The following SDK1 variants were observed in gnomAD, a reference collection of about 807,000 sequenced individuals.
SDK1 encodes protein sidekick-1.
Under a neutral mutation model 245.5 loss-of-function variants are expected in SDK1, and 157 were observed. The ratio of observed to expected loss-of-function variants is 0.64; its 90% confidence interval spans 0.56 to 0.73. The LOEUF is 0.73. Among genes scored for constraint, SDK1 ranks in the 30% least tolerant of loss-of-function variants. The pLI is 0.00. For synonymous variants in SDK1, 1,647 were observed against 1,278.5 expected, an observed-to-expected ratio of 1.29 and a Z score of -6.15; for missense variants, 3,583 against 3,002.3, an observed-to-expected ratio of 1.19 and a Z score of -4.52.
At chr7:3,490,230 G>C (rs148603619) in intron 1 of SDK1, among the ~76,000 whole-genome samples, 58 of 152,264 alleles carry the variant, frequency 3.8e-4, no homozygotes, top group African/African-American at 1.3e-3. Context: ...GTGAATGATG[G>C]ATTATTAAGT....
chr7:3,580,692 G>C (rs1053596094), intron 1 of SDK1, among the ~76,000 whole-genome samples: 5 of 152,092 alleles, frequency 3.3e-5, no homozygotes, highest in African/African-American at 7.2e-5. Context: ...AGATGGGCTG[G>C]GCGTGGTGGC....
At chr7:3,303,305 C>T (rs529774562) in intron 1 of SDK1, among the ~76,000 whole-genome samples, 1 of 152,194 alleles carries the variant, frequency 6.6e-6, no homozygotes, top group African/African-American at 2.4e-5. Flanking sequence ...TTAGGATGAC[C>T]TTTAAAATAA....
chr7:4,113,956 C>T, intron 24 of SDK1, 81 bp from the exon 25 acceptor site: 3 of 1,170,652 alleles, frequency 2.6e-6, no homozygotes, highest in South Asian at 1.4e-5. Context: ...GTTGGCCTCA[C>T]AGGGCAGGCC....
chr7:3,301,685 C>A lies in SDK1; in HGVS notation c.99C>A (p.Pro33=), dbSNP rs1661148563. The A allele has an allele frequency of 1.0e-6, 1 of 972,856 alleles. No individual in the cohort carries two copies. The highest frequency in any genetic ancestry group is 1.2e-6 in the Non-Finnish European group (1 of 823,112). 60.3% of individuals were successfully genotyped at this position (972,856 alleles called of 1,614,324 possible). A position where few individuals can be genotyped will look rare whatever the true frequency, so the allele number is the denominator to read the frequency against. ...AGPGRPRGSP[P]GRARPSLAPR... ...CCGGGCGGCCGCGGGGATCCCCGCC[C>A]GGCCGCGCCCGCCCCTCGCTGGCGC... Residue 33 remains proline (P), a synonymous_variant, in exon 1 of 45, where the codon CCC becomes CCA. Transcript: ENST00000404826.
At chr7:4,211,430 G>A (rs1784506762) in intron 38 of SDK1, among the ~76,000 whole-genome samples, 2 of 152,004 alleles carry the variant, frequency 1.3e-5, no homozygotes, top group South Asian at 2.1e-4. Flanking sequence ...GGGGAAGGGT[G>A]CGGGGGCAGG....
chr7:3,608,166 T>C (rs1021184499), intron 1 of SDK1, among the ~76,000 whole-genome samples: 1 of 152,194 alleles, frequency 6.6e-6, no homozygotes, highest in Non-Finnish European at 1.5e-5. Flanking sequence ...CTCTCAAAAA[T>C]AGCCTTAAAG....
chr7:4,184,398 G>A (rs1295799566), intron 35 of SDK1, among the ~76,000 whole-genome samples: 1 of 152,144 alleles, frequency 6.6e-6, no homozygotes, highest in Non-Finnish European at 1.5e-5. Flanking sequence ...AGACCTGTGA[G>A]TGAGGAGACT....
At chr7:3,532,088 A>G (rs1783365836) in intron 1 of SDK1, among the ~76,000 whole-genome samples, 1 of 152,174 alleles carries the variant, frequency 6.6e-6, no homozygotes, top group African/African-American at 2.4e-5. Flanking sequence ...TGTAGAACAT[A>G]CTTTCTACCT....
At chr7:3,574,989 C>A (rs1256437099) in intron 1 of SDK1, among the ~76,000 whole-genome samples, 2 of 151,988 alleles carry the variant, frequency 1.3e-5, no homozygotes, top group East Asian at 3.9e-4. Context: ...CCCTTTCTGC[C>A]CCACTTCCAG....
chr7:4,192,485 C>G (rs901367120), intron 35 of SDK1, among the ~76,000 whole-genome samples: 2 of 152,178 alleles, frequency 1.3e-5, no homozygotes, highest in African/African-American at 2.4e-5. Context: ...CTGTGTTAGC[C>G]AGGATGGTCT....
intron 1 of SDK1, among the ~76,000 whole-genome samples, chr7:3,452,409 A>G (rs182090404): frequency 9.0e-4 from 137 of 152,288 alleles, no homozygotes; most frequent in African/African-American, 3.1e-3. Context: ...CAGATATACT[A>G]ATTTGCTTTT....
At chr7:3,728,354 GT>G (rs1411705991) in intron 4 of SDK1, among the ~76,000 whole-genome samples, 1 of 152,220 alleles carries the variant, frequency 6.6e-6, no homozygotes, top group Non-Finnish European at 1.5e-5. Flanking sequence ...TTAGTGGAAT[GT>G]TTCACCACAG....
intron 1 of SDK1, among the ~76,000 whole-genome samples, chr7:3,511,762 T>C (rs6462126): frequency 0.29 from 43,784 of 151,192 alleles, 6,688 homozygotes; most frequent in African/African-American, 0.35. Context: ...ACCATTATTT[T>C]ACCATTCTTA....
chr7:4,170,971 T>C (rs663374), intron 32 of SDK1, among the ~76,000 whole-genome samples: 42,980 of 152,178 alleles, frequency 0.28, 7,947 homozygotes, highest in African/African-American at 0.53. Context: ...TAGCCTCCCC[T>C]ACCTGTTCCC....
At chr7:3,966,689 T>G (rs949571377) in intron 9 of SDK1, among the ~76,000 whole-genome samples, 3 of 152,098 alleles carry the variant, frequency 2.0e-5, no homozygotes, top group African/African-American at 4.8e-5. Flanking sequence ...AGCTTTTTTT[T>G]TTGTTTTTGT....
chr7:3,409,297 G>GT (rs5881980), intron 1 of SDK1, among the ~76,000 whole-genome samples: 79 of 136,872 alleles, frequency 5.8e-4, no homozygotes, highest in Middle Eastern at 3.8e-3. Flanking sequence ...TTCTATTATG[G>GT]TTTTTTTTTT....
intron 4 of SDK1, among the ~76,000 whole-genome samples, chr7:3,742,931 G>A (rs745356222): frequency 2.0e-5 from 3 of 152,170 alleles, no homozygotes; most frequent in Non-Finnish European, 2.9e-5. Context: ...CAAATTGTAC[G>A]TCATCAGTGG....
intron 1 of SDK1, among the ~76,000 whole-genome samples, chr7:3,319,441 C>T (rs1366255185): frequency 1.3e-5 from 2 of 151,738 alleles, no homozygotes; most frequent in Non-Finnish European, 2.9e-5. Context: ...AGTGTGTTCC[C>T]ATCTACACCC....
intron 4 of SDK1, among the ~76,000 whole-genome samples, chr7:3,646,897 G>A (rs1008714645): frequency 6.6e-6 from 1 of 152,188 alleles, no homozygotes; most frequent in African/African-American, 2.4e-5. Context: ...GATAATTAGA[G>A]TAGTCAAATT....
Sources: allele counts gnomAD v4.1 joint callset (sites outside exome capture counted in the v4.1 genomes callset), GRCh38; gene constraint gnomAD v4.1.1; transcripts MANE v1.5; gene names NCBI Gene and HGNC (gene_info 2026-07-23, HGNC 2026-07-21).